The following TMEM87A variants were observed in gnomAD, a reference collection of about 807,000 sequenced individuals.
The protein encoded by TMEM87A is Golgi-pH regulating cation channel.
In TMEM87A, 50 loss-of-function variants were observed where a neutral mutation model predicts 90.0. The ratio of observed to expected loss-of-function variants is 0.56; its 90% CI spans 0.44 to 0.70. TMEM87A has a LOEUF of 0.70. TMEM87A is among the 30% of genes least tolerant of loss of function. The pLI is 0.00. For synonymous variants in TMEM87A, 226 were observed against 226.7 expected (o/e 1.00, Z 0.03); for missense variants, 577 against 660.5 (o/e 0.87, Z 1.39).
intron 11 of TMEM87A, chr15:42,232,889 C>T (rs533435371): frequency 5.6e-6 from 1 of 178,078 alleles, no homozygotes; most frequent in South Asian, 1.4e-4. Context: ...GCCATTTACA[C>T]AAGAATTTCA....
chr15:42,213,681 C>T (rs1368036210), intron 19 of TMEM87A, among the ~76,000 whole-genome samples: 1 of 152,146 alleles, frequency 6.6e-6, no homozygotes, highest in Non-Finnish European at 1.5e-5. Flanking sequence ...AATACATATG[C>T]AGAAGTCCAG....
intron 6 of TMEM87A, among the ~76,000 whole-genome samples, chr15:42,245,176 A>G (rs2050948732): frequency 6.6e-6 from 1 of 152,296 alleles, no homozygotes; most frequent in Non-Finnish European, 1.5e-5. Context: ...CTAATCATAC[A>G]TTGATTTATC....
At chr15:42,223,642 G>GA (rs1200006639) in intron 15 of TMEM87A, among the ~76,000 whole-genome samples, 1 of 152,088 alleles carries the variant, frequency 6.6e-6, no homozygotes, top group African/African-American at 2.4e-5. Context: ...CAGTAAGAAG[G>GA]CCCTCACCAG....
chr15:42,229,871 G>A (rs2050658241), intron 12 of TMEM87A, among the ~76,000 whole-genome samples: 1 of 152,162 alleles, frequency 6.6e-6, no homozygotes, highest in Non-Finnish European at 1.5e-5. Flanking sequence ...TGTCACTCAG[G>A]CTGGAGTGCA....
At chr15:42,214,716 G>T (rs2050352204) in intron 19 of TMEM87A, among the ~76,000 whole-genome samples, 1 of 152,156 alleles carries the variant, frequency 6.6e-6, no homozygotes, top group African/African-American at 2.4e-5. Flanking sequence ...ATAGATTAAA[G>T]AATTAGACAT....
intron 2 of TMEM87A, among the ~76,000 whole-genome samples, chr15:42,271,839 G>C (rs545438486): frequency 9.3e-5 from 14 of 150,930 alleles, no homozygotes; most frequent in South Asian, 6.2e-4. Flanking sequence ...TGTCTACATA[G>C]TGTATATATG....
At chr15:42,215,554 CAACTAACTTGAT>C (rs2050368578) in intron 19 of TMEM87A, among the ~76,000 whole-genome samples, 1 of 151,982 alleles carries the variant, frequency 6.6e-6, no homozygotes, top group Non-Finnish European at 1.5e-5. Flanking sequence ...AGCAAAAAAT[CAACTAACTTGAT>C]TAAAAACTGG....
At chr15:42,213,308 A>G (rs2050325422) in intron 19 of TMEM87A, among the ~76,000 whole-genome samples, 1 of 152,238 alleles carries the variant, frequency 6.6e-6, no homozygotes, top group South Asian at 2.1e-4. Context: ...TGCTGAAATC[A>G]AAGTGGAAGT....
chr15:42,239,443 C>CACAGG (rs1423148353), intron 8 of TMEM87A, among the ~76,000 whole-genome samples: 5 of 152,154 alleles, frequency 3.3e-5, no homozygotes, highest in African/African-American at 1.2e-4. Flanking sequence ...GAGGTATTTC[C>CACAGG]ACAGGTCACT....
At chr15:42,254,938 T>C (rs1019802809) in intron 6 of TMEM87A, among the ~76,000 whole-genome samples, 1 of 150,694 alleles carries the variant, frequency 6.6e-6, no homozygotes, top group Non-Finnish European at 1.5e-5. Context: ...AGTGTATAGG[T>C]ATAGACACAG....
intron 11 of TMEM87A, chr15:42,231,767 G>T: frequency 1.7e-6 from 1 of 588,468 alleles, no homozygotes; most frequent in Non-Finnish European, 2.3e-6. Context: ...TATGCTGCAT[G>T]TTTCCAGGAG....
At chr15:42,228,581 G>C in intron 13 of TMEM87A, 131 bp downstream of exon 13, 1 of 689,436 alleles carries the variant, frequency 1.5e-6, no homozygotes, top group East Asian at 3.0e-5. Flanking sequence ...CTGAGAATTT[G>C]ACAAGAGCTA....
chr15:42,240,075 T>C (rs2050842422), intron 7 of TMEM87A, among the ~76,000 whole-genome samples: 1 of 152,212 alleles, frequency 6.6e-6, no homozygotes, highest in South Asian at 2.1e-4. Context: ...ACACATACTC[T>C]AAATTCTAAA....
chr15:42,265,609 G>A (rs1324802748), intron 3 of TMEM87A, among the ~76,000 whole-genome samples: 1 of 151,940 alleles, frequency 6.6e-6, no homozygotes, highest in Non-Finnish European at 1.5e-5. Context: ...TTAGACCTTT[G>A]TTGGATGCAT....
chr15:42,239,882 T>C (rs2050839002), intron 7 of TMEM87A, 151 bp from the exon 8 acceptor site: 1 of 707,920 alleles, frequency 1.4e-6, no homozygotes, highest in Non-Finnish European at 2.5e-6. Flanking sequence ...ATTATATTTG[T>C]ACAGCACTTG....
intron 7 of TMEM87A, among the ~76,000 whole-genome samples, chr15:42,241,941 C>A (rs2050877582): frequency 6.6e-6 from 1 of 151,594 alleles, no homozygotes; most frequent in Admixed American, 6.6e-5. Context: ...ATGGTGCAGG[C>A]CAGCAATCCC....
intron 1 of TMEM87A, chr15:42,272,781 C>T: frequency 5.4e-6 from 2 of 369,092 alleles, no homozygotes; most frequent in South Asian, 2.1e-5. Flanking sequence ...CTTAGAATAG[C>T]CATTCCAAAG....
intron 8 of TMEM87A, among the ~76,000 whole-genome samples, chr15:42,237,820 G>A (rs934453772): frequency 4.0e-5 from 6 of 151,758 alleles, no homozygotes; most frequent in African/African-American, 9.7e-5. Context: ...AAGCCACAGC[G>A]CCTGTCCTGA....
intron 14 of TMEM87A, among the ~76,000 whole-genome samples, chr15:42,227,222 G>C (rs1041092563): frequency 1.3e-5 from 2 of 152,120 alleles, no homozygotes; most frequent in Non-Finnish European, 2.9e-5. Flanking sequence ...CTTATACAGT[G>C]TAAGAGAAAG....
Sources: allele counts gnomAD v4.1 joint callset (sites outside exome capture counted in the v4.1 genomes callset), GRCh38; gene constraint gnomAD v4.1.1; transcripts MANE v1.5; gene names NCBI Gene and HGNC (gene_info 2026-07-23, HGNC 2026-07-21).